PHF14: variants seen among roughly 807,000 people sequenced by gnomAD.
The protein encoded by PHF14 is PHD finger protein 14.
Under a neutral mutation model 117.9 loss-of-function variants are expected in PHF14, and 55 were observed. That is an observed-to-expected ratio of 0.47 (90% CI 0.38 to 0.58). The LOEUF (loss-of-function observed/expected upper bound fraction) is 0.58, where lower values mean the gene tolerates loss of function less well. PHF14 is among the 20% of genes least tolerant of loss of function. PHF14 has a pLI of 0.00. For synonymous variants in PHF14, 409 were observed against 368.6 expected, an observed-to-expected ratio of 1.11 and a Z score of -1.26; for missense variants, 978 against 1,122.2, an observed-to-expected ratio of 0.87 and a Z score of 1.84.
intron 13 of PHF14, among the ~76,000 whole-genome samples, chr7:11,046,752 T>C (rs556203238): frequency 6.6e-6 from 1 of 152,228 alleles, no homozygotes; most frequent in East Asian, 1.9e-4. Context: ...GGGACTGAGG[T>C]ATTACTTGTC....
chr7:11,060,297 G>T (rs1355596792), intron 14 of PHF14, among the ~76,000 whole-genome samples: 1 of 152,154 alleles, frequency 6.6e-6, no homozygotes, highest in Non-Finnish European at 1.5e-5. Context: ...TAAGCTTTGT[G>T]TTAAGTTTAA....
At chr7:11,141,184 T>G (rs1396136097) in intron 17 of PHF14, among the ~76,000 whole-genome samples, 1 of 152,102 alleles carries the variant, frequency 6.6e-6, no homozygotes, top group Non-Finnish European at 1.5e-5. Context: ...TTACTTGTAT[T>G]TCTCATTCAT....
At chr7:10,999,172 G>A (rs1225975182) in intron 4 of PHF14, among the ~76,000 whole-genome samples, 2 of 152,188 alleles carry the variant, frequency 1.3e-5, no homozygotes, top group African/African-American at 2.4e-5. Flanking sequence ...GCATATGCCT[G>A]CCCTTGCAGT....
At chr7:11,017,209 A>G (rs1783563904) in intron 5 of PHF14, among the ~76,000 whole-genome samples, 1 of 151,032 alleles carries the variant, frequency 6.6e-6, no homozygotes, top group Non-Finnish European at 1.5e-5. Flanking sequence ...TGCGACAAAT[A>G]TAGGAGTGCA....
intron 17 of PHF14, among the ~76,000 whole-genome samples, chr7:11,134,434 A>G (rs962044313): frequency 6.6e-6 from 1 of 152,092 alleles, no homozygotes; most frequent in African/African-American, 2.4e-5. Flanking sequence ...GGAGTAAAGC[A>G]TGCTGATAAT....
intron 14 of PHF14, among the ~76,000 whole-genome samples, chr7:11,052,532 G>A (rs1374137592): frequency 6.6e-6 from 1 of 151,188 alleles, no homozygotes; most frequent in East Asian, 1.9e-4. Flanking sequence ...CAGACTATCT[G>A]CATCTTCAGT....
intron 17 of PHF14, among the ~76,000 whole-genome samples, chr7:11,155,492 C>T (rs1307969930): frequency 1.3e-5 from 2 of 152,200 alleles, no homozygotes; most frequent in Admixed American, 1.3e-4. Flanking sequence ...TTACCCTTCC[C>T]ACTGTTCCCT....
chr7:11,013,226 A>G (rs138912277), intron 4 of PHF14, among the ~76,000 whole-genome samples: 3,373 of 152,148 alleles, frequency 0.022, 135 homozygotes, highest in African/African-American at 0.078. Context: ...CAGTGGCGCA[A>G]TCTTGGCTCA....
intron 4 of PHF14, among the ~76,000 whole-genome samples, chr7:11,002,955 C>T (rs1272294070): frequency 1.3e-5 from 2 of 148,276 alleles, no homozygotes; most frequent in African/African-American, 4.9e-5. Context: ...ATTTTTCTTT[C>T]TTTTTTTTTT....
chr7:11,107,471 C>A (rs1310317681), intron 16 of PHF14: 1 of 825,294 alleles, frequency 1.2e-6, no homozygotes, highest in African/African-American at 1.9e-5. Flanking sequence ...TAGTAAGAAT[C>A]TAATTAGGTT....
intron 4 of PHF14, among the ~76,000 whole-genome samples, chr7:10,999,785 A>G (rs1364088350): frequency 6.6e-6 from 1 of 152,242 alleles, no homozygotes; most frequent in Non-Finnish European, 1.5e-5. Context: ...CAGACAAATG[A>G]GATGATCAAG....
intron 16 of PHF14, among the ~76,000 whole-genome samples, chr7:11,083,464 A>ATTTTT (rs776573456): frequency 2.3e-4 from 26 of 112,304 alleles, no homozygotes; most frequent in African/African-American, 8.1e-4. Context: ...TGCTTTCCCT[A>ATTTTT]TTTTTTTTTT....
At chr7:11,104,432 C>T (rs527337482) in intron 16 of PHF14, 17 of 956,498 alleles carry the variant, frequency 1.8e-5, no homozygotes, top group African/African-American at 1.4e-4. Flanking sequence ...AAAATTATTC[C>T]GTGTCCATAA....
intron 17 of PHF14, among the ~76,000 whole-genome samples, chr7:11,131,971 A>T (rs1283821824): frequency 2.0e-5 from 3 of 151,720 alleles, no homozygotes; most frequent in Non-Finnish European, 2.9e-5. Context: ...TTTTTTAAAA[A>T]TTTTTTATTG....
intron 4 of PHF14, among the ~76,000 whole-genome samples, chr7:11,004,378 C>G (rs1376843359): frequency 7.6e-6 from 1 of 131,214 alleles, no homozygotes; most frequent in African/African-American, 2.9e-5. Context: ...GTTGCTTGCT[C>G]ATACATATAC....
At chr7:11,046,551 T>G (rs1784670840) in intron 13 of PHF14, among the ~76,000 whole-genome samples, 2 of 152,196 alleles carry the variant, frequency 1.3e-5, no homozygotes, top group African/African-American at 4.8e-5. Flanking sequence ...TTTTATTGCC[T>G]CTTCTTCCCA....
At position 11,085,304 on chromosome 7, in the gene PHF14, G is replaced by A. The variant is rs559650737; in HGVS notation, c.2654+23219G>A. Reference sequence around the variant, plus strand: ...AAATACTGTTTTGCTTTACCAGAATGTCATATTCTTCTGTTGATTTAAAAC... The same window carrying A: ...AAATACTGTTTTGCTTTACCAGAATATCATATTCTTCTGTTGATTTAAAAC... On this transcript the variant is annotated intron_variant, in intron 16 of 17. Coordinates refer to ENST00000634607, the MANE Select transcript of PHF14 (RefSeq NM_001007157.2). Among the ~76,000 whole-genome samples, 5 of 152,266 alleles carry A rather than the reference G, an allele frequency of 3.3e-5. No homozygotes were observed. The East Asian group carries it at 9.6e-4, about 29-fold the overall frequency.
intron 17 of PHF14, among the ~76,000 whole-genome samples, chr7:11,135,824 G>A (rs1413105758): frequency 2.0e-5 from 3 of 152,176 alleles, no homozygotes; most frequent in Admixed American, 1.3e-4. Context: ...TGTAATATAC[G>A]GAAGGCTTTT....
At chr7:11,149,725 A>G (rs574977762) in intron 17 of PHF14, among the ~76,000 whole-genome samples, 44 of 152,096 alleles carry the variant, frequency 2.9e-4, no homozygotes, top group Admixed American at 5.9e-4. Context: ...CTGTAGTTTT[A>G]TTTTTTGTTA....
Sources: allele counts gnomAD v4.1 joint callset (sites outside exome capture counted in the v4.1 genomes callset), GRCh38; gene constraint gnomAD v4.1.1; transcripts MANE v1.5; gene names NCBI Gene and HGNC (gene_info 2026-07-23, HGNC 2026-07-21).